TMEM132B: variants seen among roughly 807,000 people sequenced by gnomAD.
TMEM132B encodes transmembrane protein 132B.
TMEM132B carries 18 observed loss-of-function variants against 90.8 expected under a neutral mutation model. That is an observed-to-expected ratio of 0.20 (90% confidence interval 0.14 to 0.29). TMEM132B has a LOEUF of 0.29. TMEM132B is among the 10% of genes least tolerant of loss of function. The pLI is 1.00. For missense variants in TMEM132B, 1,096 were observed against 1,326.8 expected (o/e 0.83, Z 2.70); for synonymous variants, 504 against 523.3 (o/e 0.96, Z 0.50).
intron 3 of TMEM132B, among the ~76,000 whole-genome samples, chr12:125,456,033 C>T (rs544744929): frequency 2.6e-5 from 4 of 152,240 alleles, no homozygotes; most frequent in East Asian, 1.9e-4. Flanking sequence ...AATGAATGAG[C>T]GTGGCTGTGT....
intron 3 of TMEM132B, among the ~76,000 whole-genome samples, chr12:125,443,250 G>GT (rs1880921057): frequency 6.6e-6 from 1 of 152,216 alleles, no homozygotes; most frequent in Non-Finnish European, 1.5e-5. Context: ...GTGGAGGACT[G>GT]TTTCTTGTGG....
chr12:125,422,176 A>T (rs1035510631), intron 3 of TMEM132B, among the ~76,000 whole-genome samples: 5 of 152,244 alleles, frequency 3.3e-5, no homozygotes, highest in Non-Finnish European at 1.5e-5. Context: ...CAATTTTAAA[A>T]ATCAGAAATA....
intron 6 of TMEM132B, among the ~76,000 whole-genome samples, chr12:125,649,779 C>A (rs1011937972): frequency 6.6e-6 from 1 of 152,106 alleles, no homozygotes; most frequent in Non-Finnish European, 1.5e-5. Context: ...CACAGGACTG[C>A]TACTTCTTGA....
intron 3 of TMEM132B, among the ~76,000 whole-genome samples, chr12:125,464,503 AT>A (rs370977168): frequency 2.0e-4 from 31 of 152,264 alleles, no homozygotes; most frequent in African/African-American, 7.5e-4. Context: ...TTCTTAGCAA[AT>A]GTCCTTGATG....
intron 4 of TMEM132B, among the ~76,000 whole-genome samples, chr12:125,565,234 C>T (rs571629618): frequency 6.6e-6 from 1 of 152,316 alleles, no homozygotes; most frequent in Non-Finnish European, 1.5e-5. Context: ...GGAGAGTTCC[C>T]TGACCCGCCT....
Position 125,591,850 on chromosome 12 carries a change from G to A in TMEM132B, c.1437+7856G>A, listed in dbSNP as rs1463166799. Among the ~76,000 whole-genome samples the A allele has an allele frequency of 2.0e-5, 3 of 152,076 alleles. No individual in the cohort carries two copies. In the East Asian group the frequency reaches 5.8e-4, roughly 29 times the overall value. On this transcript the variant is annotated intron_variant, in intron 5 of 8. Coordinates refer to ENST00000682704, the MANE Select transcript of TMEM132B (RefSeq NM_001366854.1). ...ATAAGGGTACCTGTCATTGGATTTA[G>A]GGGCCGTCCTAATTCAGGATGGTCT...
intron 1 of TMEM132B, among the ~76,000 whole-genome samples, chr12:125,322,882 G>GCA (rs1424128810): frequency 1.0e-5 from 1 of 95,408 alleles, no homozygotes; most frequent in East Asian, 5.1e-4. Context: ...ACTTTTCTAT[G>GCA]CATATATATA....
Position 125,559,351 on chromosome 12 carries a change from T to G in TMEM132B, c.1294-24500T>G, listed in dbSNP as rs1307917055. 2.0e-5 allele frequency among the ~76,000 whole-genome samples: 3 copies of G among 152,168 alleles called. No homozygotes were observed. In the East Asian group the frequency reaches 5.8e-4, roughly 29 times the overall value. ...TTGCACTCCAGCCTGGGTGACAGAGTGAGACCTCGTCTTCCCCTCCCCCAC... is the reference window on the plus strand; with the variant it reads ...TTGCACTCCAGCCTGGGTGACAGAGGGAGACCTCGTCTTCCCCTCCCCCAC... On this transcript the variant is annotated intron_variant, in intron 4 of 8. Transcript: ENST00000682704.
At chr12:125,450,609 A>G (rs893414831) in intron 3 of TMEM132B, among the ~76,000 whole-genome samples, 6 of 152,224 alleles carry the variant, frequency 3.9e-5, no homozygotes, top group Non-Finnish European at 7.4e-5. Flanking sequence ...GAATTTTAAC[A>G]TCAGCATAAA....
intron 2 of TMEM132B, among the ~76,000 whole-genome samples, chr12:125,372,050 T>C (rs1367520013): frequency 1.3e-5 from 2 of 152,252 alleles, no homozygotes; most frequent in Admixed American, 6.5e-5. Flanking sequence ...TAAGGTTAGA[T>C]ATAATTTTTA....
At chr12:125,219,388 CAG>C (rs925489879) in intron 1 of TMEM132B, among the ~76,000 whole-genome samples, 2 of 152,184 alleles carry the variant, frequency 1.3e-5, no homozygotes, top group African/African-American at 4.8e-5. Context: ...TCCTATTAAT[CAG>C]AAGGTTGCTT....
Position 125,341,703 on chromosome 12 carries a change from AAC to A in TMEM132B, c.68-7745_68-7744del, listed in dbSNP as rs568892625. ...TGCTGTTCATTTGAATCATCTAGCAAACACAGAAAAATACTGGGCCTCACTTG... is the reference window on the plus strand; with the variant it reads ...TGCTGTTCATTTGAATCATCTAGCAAACAGAAAAATACTGGGCCTCACTTG... On this transcript the variant is annotated intron_variant, in intron 1 of 8. Coordinates refer to ENST00000682704, the MANE Select transcript of TMEM132B (RefSeq NM_001366854.1). Among the ~76,000 whole-genome samples, 23 of 152,300 alleles carry A rather than the reference AAC, an allele frequency of 1.5e-4. No homozygotes were observed. The South Asian group carries it at 3.9e-3, about 26-fold the overall frequency.
intron 2 of TMEM132B, among the ~76,000 whole-genome samples, chr12:125,398,294 T>G (rs1432774610): frequency 6.6e-6 from 1 of 152,160 alleles, no homozygotes; most frequent in South Asian, 2.1e-4. Flanking sequence ...CATTTTTATA[T>G]ATGTGCCTTC....
chr12:125,186,431 A>C lies in TMEM132B; in HGVS notation c.-369A>C, dbSNP rs1207724423. On this transcript the variant is annotated 5_prime_UTR_variant, in exon 1 of 9. Coordinates refer to ENST00000682704, the MANE Select transcript of TMEM132B (RefSeq NM_001366854.1). This position sits in a 1 kb window ranked among gnomAD's most constrained non-coding sequence, Gnocchi z 6.3. ...GGCGGCCGGCAGATGGCGATGGCAGAGGCGGCGGCGGCGGCGGCGGCGCGA... is the reference window on the plus strand; with the variant it reads ...GGCGGCCGGCAGATGGCGATGGCAGCGGCGGCGGCGGCGGCGGCGGCGCGA... 1.4e-5 allele frequency among the ~76,000 whole-genome samples: 2 copies of C among 144,422 alleles called. No individual in the cohort carries two copies. The highest frequency in any genetic ancestry group is 4.2e-4 in the East Asian group (2 of 4,816). 94.7% of individuals were successfully genotyped at this position (144,422 alleles called of 152,430 possible).
intron 3 of TMEM132B, among the ~76,000 whole-genome samples, chr12:125,442,297 T>G (rs1475006957): frequency 8.6e-6 from 1 of 116,952 alleles, no homozygotes; most frequent in Admixed American, 8.8e-5. Flanking sequence ...AAATTTTATG[T>G]CAGCTAGTGA....
At chr12:125,290,832 C>T (rs553633634) in intron 1 of TMEM132B, among the ~76,000 whole-genome samples, 2 of 152,266 alleles carry the variant, frequency 1.3e-5, no homozygotes, top group Admixed American at 6.5e-5. Context: ...ATTGGAATCA[C>T]TGGAGTTCAA....
chr12:125,406,625 TCA>T lies in TMEM132B; in HGVS notation c.960-8903_960-8902del, dbSNP rs1879491232. On this transcript the variant is annotated intron_variant, in intron 2 of 8. Transcript: ENST00000682704. The surrounding 1 kb of genome is among the most constrained non-coding windows in gnomAD (Gnocchi z 8.3). ...GGATGATATGGGGTATAAAAATATT[TCA>T]CAGTCTTGATGGCGTGAGTTCTAAT... Among the ~76,000 whole-genome samples, 1 of 152,160 alleles carries T rather than the reference TCA, an allele frequency of 6.6e-6. No homozygotes were observed. The highest frequency in any genetic ancestry group is 2.4e-5 in the African/African-American group (1 of 41,436).
chr12:125,222,881 T>C (rs1246016072), intron 1 of TMEM132B, among the ~76,000 whole-genome samples: 1 of 152,178 alleles, frequency 6.6e-6, no homozygotes, highest in Non-Finnish European at 1.5e-5. Flanking sequence ...TGGTCTAGGG[T>C]AAAATATTGA....
intron 2 of TMEM132B, among the ~76,000 whole-genome samples, chr12:125,404,799 G>A (rs994421738): frequency 6.6e-6 from 1 of 152,180 alleles, no homozygotes; most frequent in East Asian, 1.9e-4. Flanking sequence ...ATTCCTGGGT[G>A]TATCCAGCTC....
Sources: allele counts gnomAD v4.1 joint callset (sites outside exome capture counted in the v4.1 genomes callset), GRCh38; gene constraint gnomAD v4.1.1; non-coding constraint Gnocchi (gnomAD v3.1); transcripts MANE v1.5; gene names NCBI Gene and HGNC (gene_info 2026-07-23, HGNC 2026-07-21).